ANKRD17: variants seen among roughly 807,000 people sequenced by gnomAD.
ANKRD17 encodes the protein ankyrin repeat domain-containing protein 17.
In ANKRD17, 19 loss-of-function variants were observed where a neutral mutation model predicts 229.7. That is an observed-to-expected ratio of 0.08 (90% CI 0.06 to 0.12). The LOEUF (loss-of-function observed/expected upper bound fraction) is 0.12. ANKRD17 is among the 10% of genes least tolerant of loss of function. The pLI is 1.00. For missense variants in ANKRD17, 2,176 were observed against 3,176.8 expected (o/e 0.68, Z 7.57); for synonymous variants, 1,112 against 1,146.1 (o/e 0.97, Z 0.60).
chr4:73,165,175 AAG>A (rs764394983), intron 2 of ANKRD17, among the ~76,000 whole-genome samples: 2 of 152,170 alleles, frequency 1.3e-5, no homozygotes, highest in Non-Finnish European at 2.9e-5. Flanking sequence ...CCACTATCAA[AAG>A]AGAAACAGAC....
chr4:73,117,869 C>G (rs1402188857), intron 22 of ANKRD17, among the ~76,000 whole-genome samples: 1 of 152,086 alleles, frequency 6.6e-6, no homozygotes, highest in African/African-American at 2.4e-5. Flanking sequence ...GTGCTATGTA[C>G]AGAAAGAGAA....
rs892665466 is a variant in ANKRD17, at chr4:73,112,571, T to A, written c.4401+1221A>T. On this transcript the variant is annotated intron_variant, in intron 24 of 33. Transcript: ENST00000358602. Reference sequence around the variant, plus strand: ...AGCTTCCAAAATAAAATACATTTTTTCAGAAAATAGTATTTTCAAATTTAA... The same window carrying A: ...AGCTTCCAAAATAAAATACATTTTTACAGAAAATAGTATTTTCAAATTTAA... 17 of 496,296 alleles carry A rather than the reference T, an allele frequency of 3.4e-5. No homozygotes were observed. In the East Asian group the frequency reaches 2.6e-3, roughly 74 times the overall value. 30.7% of individuals were successfully genotyped at this position (496,296 alleles called of 1,614,324 possible).
At chr4:73,255,032 T>C (rs1745338113) in intron 1 of ANKRD17, among the ~76,000 whole-genome samples, 1 of 152,232 alleles carries the variant, frequency 6.6e-6, no homozygotes, top group Admixed American at 6.5e-5. Flanking sequence ...CATTTTCAAT[T>C]TTAAATGTAA....
chr4:73,183,280 T>A (rs868412146), intron 1 of ANKRD17, among the ~76,000 whole-genome samples: 1 of 152,174 alleles, frequency 6.6e-6, no homozygotes, highest in Admixed American at 6.6e-5. Flanking sequence ...TTAGATAATA[T>A]AAAGGAATTA....
At chr4:73,104,095 C>T (rs1221404186) in intron 24 of ANKRD17, 2 of 152,160 alleles carry the variant, frequency 1.3e-5, no homozygotes, top group African/African-American at 2.4e-5. Context: ...TCCAGCAAAT[C>T]GATTTTAGGA....
chr4:73,144,273 G>T (rs186316453), intron 11 of ANKRD17, among the ~76,000 whole-genome samples: 11 of 152,200 alleles, frequency 7.2e-5, no homozygotes, highest in African/African-American at 2.4e-4. Flanking sequence ...CATGCAATTT[G>T]CTATATTTGT....
At chr4:73,248,913 CTG>C (rs2149276854) in intron 1 of ANKRD17, among the ~76,000 whole-genome samples, 1 of 151,964 alleles carries the variant, frequency 6.6e-6, no homozygotes, top group East Asian at 1.9e-4. Context: ...TGAAACAAGA[CTG>C]TTTTCATTAT....
rs753159108 is a variant in ANKRD17, at chr4:73,098,276, G to A, written c.4818C>T (p.Ser1606=). The A allele has an allele frequency of 6.2e-7, 1 of 1,614,228 alleles. No homozygotes were observed. Among genetic ancestry groups the A allele is most frequent in the Non-Finnish European group, 8.5e-7 (1 of 1,180,042 alleles). The change falls in exon 26 of 34, where the codon AGC becomes AGT. Residue 1606 remains serine, a synonymous_variant. Transcript: ENST00000358602. ...PEKVNGESKS[S]STSESGDSDN... is the part of the protein sequence containing the mutation. ...CACTGTCCCCACTCTCGCTGGTACT[G>A]CTGCTCTTGGACTCTCCATTCACCT...
At chr4:73,218,017 T>G (rs1205546715) in intron 1 of ANKRD17, among the ~76,000 whole-genome samples, 2 of 152,162 alleles carry the variant, frequency 1.3e-5, no homozygotes, top group African/African-American at 2.4e-5. Flanking sequence ...GTGGAGTATA[T>G]GTAAGTATAA....
In ANKRD17 at chr4:73,077,000, A is replaced by C. The variant is rs368268059; in HGVS notation, c.7692T>G (p.Pro2564=). The C allele has an allele frequency of 3.1e-6, 5 of 1,613,748 alleles. No homozygotes were observed. The highest frequency in any genetic ancestry group is 4.2e-6 in the Non-Finnish European group (5 of 1,179,834). ...PIFNGPHAAD[P]SWNSLIKMVS... ...CCATCTTTATCAGTGAGTTCCAAGA[A>C]GGGTCTGCAGCATGAGGGCCATTAA... Residue 2564 remains proline (P), a synonymous_variant, in exon 33 of 34, where the codon CCT becomes CCG. Transcript: ENST00000358602.
chr4:73,187,136 T>TAG (rs1560683194), intron 1 of ANKRD17, among the ~76,000 whole-genome samples: 2 of 152,186 alleles, frequency 1.3e-5, no homozygotes, highest in African/African-American at 4.8e-5. Flanking sequence ...TGCTAGAAGA[T>TAG]ATCTGTGCAA....
intron 1 of ANKRD17, among the ~76,000 whole-genome samples, chr4:73,228,774 G>A (rs1742756137): frequency 6.6e-6 from 1 of 152,102 alleles, no homozygotes; most frequent in African/African-American, 2.4e-5. Context: ...CATTTATCTT[G>A]TTTCTAACGT....
intron 28 of ANKRD17, 144 bp downstream of exon 28, chr4:73,093,935 T>A (rs536365506): frequency 2.6e-6 from 2 of 768,566 alleles, no homozygotes; most frequent in Non-Finnish European, 3.9e-6. Flanking sequence ...ACTATAAAAT[T>A]TATCTTCTCA....
At chr4:73,223,735 C>T (rs916714541) in intron 1 of ANKRD17, among the ~76,000 whole-genome samples, 1 of 151,932 alleles carries the variant, frequency 6.6e-6, no homozygotes, top group African/African-American at 2.4e-5. Flanking sequence ...AAGAAATGGC[C>T]TTTTTCTCTT....
intron 1 of ANKRD17, among the ~76,000 whole-genome samples, chr4:73,250,221 A>G (rs925581316): frequency 2.0e-5 from 3 of 152,144 alleles, no homozygotes; most frequent in Non-Finnish European, 4.4e-5. Context: ...ATATTTTTCA[A>G]TTTATTCCCA....
At chr4:73,128,612 G>C (rs1363567562) in intron 16 of ANKRD17, among the ~76,000 whole-genome samples, 1 of 152,104 alleles carries the variant, frequency 6.6e-6, no homozygotes, top group Non-Finnish European at 1.5e-5. Flanking sequence ...GTGCTCGAGG[G>C]TTGACAAAGA....
At chr4:73,108,552 G>A (rs1328538934) in intron 24 of ANKRD17, among the ~76,000 whole-genome samples, 1 of 152,162 alleles carries the variant, frequency 6.6e-6, no homozygotes, top group East Asian at 1.9e-4. Flanking sequence ...AGCCTGTAGT[G>A]GCATGAAAGC....
At chr4:73,151,607 ATATTTAACTT>A in intron 6 of ANKRD17, 83 bp from the exon 7 acceptor site, 1 of 1,043,160 alleles carries the variant, frequency 9.6e-7, no homozygotes. Flanking sequence ...TTGAAAAGTT[ATATTTAACTT>A]ACAGCATTAA....
intron 18 of ANKRD17, 52 bp from the exon 19 acceptor site, chr4:73,121,811 A>C: frequency 6.6e-7 from 1 of 1,516,372 alleles, no homozygotes. Context: ...ACAAATTACC[A>C]AAGTGTGTAT....
Sources: gnomAD v4.1 joint callset for allele counts (sites outside exome capture counted in the v4.1 genomes callset) on GRCh38, gnomAD v4.1.1 for gene constraint, MANE v1.5 for transcripts, NCBI Gene and HGNC (gene_info 2026-07-23, HGNC 2026-07-21) for gene names.